The following MACROD2 variants were observed in gnomAD, a reference collection of about 807,000 sequenced individuals.
The protein encoded by MACROD2 is ADP-ribose glycohydrolase MACROD2.
MACROD2 carries 36 observed loss-of-function variants against 70.4 expected under a neutral mutation model. The ratio of observed to expected loss-of-function variants is 0.51; its 90% CI spans 0.39 to 0.68. The LOEUF is 0.68. Among genes scored for constraint, MACROD2 ranks in the 30% least tolerant of loss-of-function variants. The pLI, the probability that MACROD2 is intolerant of heterozygous loss-of-function variation, is 0.00. For missense variants in MACROD2, 496 were observed against 538.4 expected, an observed-to-expected ratio of 0.92 and a Z score of 0.78; for synonymous variants, 172 against 178.8, an observed-to-expected ratio of 0.96 and a Z score of 0.30.
intron 3 of MACROD2, among the ~76,000 whole-genome samples, chr20:14,146,876 C>T (rs961963110): frequency 1.3e-5 from 2 of 152,166 alleles, no homozygotes; most frequent in African/African-American, 4.8e-5. Context: ...TCAAACATTG[C>T]CATCTATCAC....
At chr20:14,923,003 GA>G (rs2074181991) in intron 5 of MACROD2, among the ~76,000 whole-genome samples, 1 of 152,208 alleles carries the variant, frequency 6.6e-6, no homozygotes. Flanking sequence ...TTTTGAGTCA[GA>G]GTTAGGAGCT....
Position 14,248,006 on chromosome 20 carries a change from A to G in MACROD2, c.271+162278A>G, listed in dbSNP as rs544965511. On this transcript the variant is annotated intron_variant, in intron 3 of 17. Transcript: ENST00000684519. ...TGCTGTTTGTTGTTGCTGTGGTCTA[A>G]CAGCTGCTATAGGTATCTGGTGATG... Among the ~76,000 whole-genome samples the G allele has an allele frequency of 3.3e-5, 5 of 152,322 alleles. No homozygotes were observed. The South Asian group carries it at 1.0e-3, about 32-fold the overall frequency.
intron 8 of MACROD2, among the ~76,000 whole-genome samples, chr20:15,699,454 C>A (rs2050423677): frequency 6.6e-6 from 1 of 152,184 alleles, no homozygotes; most frequent in Non-Finnish European, 1.5e-5. Flanking sequence ...GCCACGGATA[C>A]CAGCACCTGT....
chr20:14,383,926 G>C (rs1357096478), intron 3 of MACROD2, among the ~76,000 whole-genome samples: 1 of 151,642 alleles, frequency 6.6e-6, no homozygotes, highest in Non-Finnish European at 1.5e-5. Context: ...CATTTACCAG[G>C]GTTTTATAAC....
chr20:14,783,188 A>G (rs1449032083), intron 5 of MACROD2, among the ~76,000 whole-genome samples: 1 of 152,158 alleles, frequency 6.6e-6, no homozygotes, highest in African/African-American at 2.4e-5. Flanking sequence ...ATCTTTCTAA[A>G]TCCTCTTTCT....
intron 8 of MACROD2, among the ~76,000 whole-genome samples, chr20:15,718,084 G>A (rs1397949616): frequency 1.3e-5 from 2 of 149,710 alleles, no homozygotes; most frequent in African/African-American, 4.9e-5. Flanking sequence ...GCAGTGGTAC[G>A]AATTTCCGGC....
intron 5 of MACROD2, among the ~76,000 whole-genome samples, chr20:15,096,331 A>G (rs1439142163): frequency 6.6e-6 from 1 of 151,764 alleles, no homozygotes; most frequent in African/African-American, 2.4e-5. Context: ...CTTTTTCCGA[A>G]TGGGCTTTGG....
intron 5 of MACROD2, among the ~76,000 whole-genome samples, chr20:15,143,491 T>G (rs1228766318): frequency 6.6e-6 from 1 of 152,210 alleles, no homozygotes; most frequent in Non-Finnish European, 1.5e-5. Context: ...TAGTTTCTTT[T>G]GCTGTGCAGA....
At chr20:14,519,466 A>G (rs1054995374) in intron 4 of MACROD2, among the ~76,000 whole-genome samples, 5 of 152,162 alleles carry the variant, frequency 3.3e-5, no homozygotes, top group Non-Finnish European at 5.9e-5. Flanking sequence ...ATATGAAAAA[A>G]TGTTCAACAT....
In MACROD2 at chr20:15,459,632, G is replaced by A. The variant is rs139787589; in HGVS notation, c.571+28197G>A. Among the ~76,000 whole-genome samples, 501 of 152,214 alleles carry A rather than the reference G, an allele frequency of 3.3e-3. 3 individuals carry two copies. Among genetic ancestry groups the A allele is most frequent in the African/African-American group, 0.012 (481 of 41,518 alleles). ...AGAGCGATGGAAGAAGCTGGGCGAG[G>A]GGAATGGGAAGTGAAGTATGAAGTT... On this transcript the variant is annotated intron_variant, in intron 7 of 17. Coordinates refer to ENST00000684519, the MANE Select transcript of MACROD2 (RefSeq NM_001351661.2).
At chr20:14,642,093 A>G (rs148339050) in intron 4 of MACROD2, among the ~76,000 whole-genome samples, 2 of 152,318 alleles carry the variant, frequency 1.3e-5, no homozygotes, top group African/African-American at 4.8e-5. Context: ...GATCTTCTGG[A>G]TAACTTGCTG....
intron 5 of MACROD2, among the ~76,000 whole-genome samples, chr20:14,750,498 G>T (rs538156594): frequency 6.6e-6 from 1 of 152,124 alleles, no homozygotes; most frequent in African/African-American, 2.4e-5. Flanking sequence ...ATCTCACTTT[G>T]TCATCCCAGC....
At chr20:15,286,953 T>C (rs1381980817) in intron 6 of MACROD2, among the ~76,000 whole-genome samples, 1 of 152,166 alleles carries the variant, frequency 6.6e-6, no homozygotes, top group Non-Finnish European at 1.5e-5. Flanking sequence ...TAAAATCACT[T>C]TTTATTTAGA....
chr20:14,760,507 T>G (rs1251508186), intron 5 of MACROD2, among the ~76,000 whole-genome samples: 1 of 152,122 alleles, frequency 6.6e-6, no homozygotes, highest in East Asian at 1.9e-4. Context: ...CTATTTATTA[T>G]TACTGAACAC....
At chr20:15,390,048 A>G (rs781345293) in intron 6 of MACROD2, among the ~76,000 whole-genome samples, 2 of 152,234 alleles carry the variant, frequency 1.3e-5, no homozygotes, top group Non-Finnish European at 2.9e-5. Flanking sequence ...AGAGAGAGAC[A>G]AGCACTGGTT....
intron 6 of MACROD2, among the ~76,000 whole-genome samples, chr20:15,338,006 C>T (rs1205518077): frequency 6.6e-6 from 1 of 151,674 alleles, no homozygotes; most frequent in African/African-American, 2.4e-5. Context: ...GTTTTGGTTA[C>T]TTGACTATAG....
intron 5 of MACROD2, among the ~76,000 whole-genome samples, chr20:14,882,634 A>C (rs2073623046): frequency 6.6e-6 from 1 of 152,204 alleles, no homozygotes; most frequent in Non-Finnish European, 1.5e-5. Flanking sequence ...AAAGATGGAA[A>C]ACCATTTAAG....
chr20:15,445,353 T>C (rs1335766966), intron 7 of MACROD2, among the ~76,000 whole-genome samples: 1 of 152,166 alleles, frequency 6.6e-6, no homozygotes, highest in Non-Finnish European at 1.5e-5. Flanking sequence ...GTTTAAAAAA[T>C]AGTCAACTTG....
In MACROD2 at chr20:14,328,197, A is replaced by G. The variant is rs145369267; in HGVS notation, c.272-165282A>G. 5.0e-4 allele frequency among the ~76,000 whole-genome samples: 76 copies of G among 152,246 alleles called. No individual in the cohort carries two copies. The East Asian group carries it at 0.013, about 27-fold the overall frequency. On this transcript the variant is annotated intron_variant, in intron 3 of 17. Transcript: ENST00000684519. ...TTTAAGCATTATTTTAAATGGATGG[A>G]TTTCTGCAAGAAAATAAGAATGATT...
Sources: allele counts gnomAD v4.1 joint callset (sites outside exome capture counted in the v4.1 genomes callset), GRCh38; gene constraint gnomAD v4.1.1; transcripts MANE v1.5; gene names NCBI Gene and HGNC (gene_info 2026-07-23, HGNC 2026-07-21).